BCL2: variants seen among roughly 807,000 people sequenced by gnomAD.
BCL2 encodes apoptosis regulator Bcl-2.
BCL2 carries 1 observed loss-of-function variant against 14.2 expected under a neutral mutation model. The observed-to-expected ratio is 0.07, with a 90% CI of 0.02 to 0.33. The LOEUF is 0.33. BCL2 is among the 10% of genes least tolerant of loss of function. The pLI is 0.99. For synonymous variants in BCL2, 151 were observed against 137.2 expected (o/e 1.10, Z -0.70); for missense variants, 247 against 305.9 (o/e 0.81, Z 1.44).
chr18:63,285,235 G>T (rs1912436761), intron 2 of BCL2, among the ~76,000 whole-genome samples: 1 of 152,224 alleles, frequency 6.6e-6, no homozygotes, highest in African/African-American at 2.4e-5. Context: ...CAGTTTGTGT[G>T]TACTCAGCTC....
intron 2 of BCL2, among the ~76,000 whole-genome samples, chr18:63,232,377 G>A (rs1390321209): frequency 6.6e-6 from 1 of 152,110 alleles, no homozygotes; most frequent in Non-Finnish European, 1.5e-5. Flanking sequence ...AATAGCCTTG[G>A]AGAGAGAAAA....
At chr18:63,141,772 G>A (rs1264888238) in intron 2 of BCL2, among the ~76,000 whole-genome samples, 1 of 152,218 alleles carries the variant, frequency 6.6e-6, no homozygotes, top group Admixed American at 6.5e-5. Flanking sequence ...ACCTGTCTCC[G>A]TATGTGAGTA....
At chr18:63,302,751 T>C in intron 2 of BCL2, 1 of 985,440 alleles carries the variant, frequency 1.0e-6, no homozygotes, top group Non-Finnish European at 1.2e-6. Flanking sequence ...AAGAGTTTCC[T>C]ATCTTGTCAG....
intron 2 of BCL2, among the ~76,000 whole-genome samples, chr18:63,283,785 CT>C (rs1436578808): frequency 6.6e-6 from 1 of 152,184 alleles, no homozygotes; most frequent in Non-Finnish European, 1.5e-5. Context: ...TCACCAGGGC[CT>C]CTTTGGTAAT....
intron 2 of BCL2, among the ~76,000 whole-genome samples, chr18:63,273,691 C>T (rs1358244667): frequency 2.0e-5 from 3 of 152,096 alleles, no homozygotes; most frequent in South Asian, 2.1e-4. Flanking sequence ...CAGTTCTAAC[C>T]GGTCATGGTT....
intron 2 of BCL2, among the ~76,000 whole-genome samples, chr18:63,306,008 G>C (rs1051322700): frequency 6.6e-6 from 1 of 152,088 alleles, no homozygotes; most frequent in Non-Finnish European, 1.5e-5. Flanking sequence ...CCCGGAGTTC[G>C]AGGCAGCAGT....
chr18:63,305,132 C>T (rs560493924), intron 2 of BCL2, among the ~76,000 whole-genome samples: 87 of 152,202 alleles, frequency 5.7e-4, no homozygotes, highest in Non-Finnish European at 1.1e-3. Flanking sequence ...GCTAGATCCC[C>T]CTCTGCTGCA....
At chr18:63,152,760 G>A (rs570802678) in intron 2 of BCL2, among the ~76,000 whole-genome samples, 24 of 152,322 alleles carry the variant, frequency 1.6e-4, no homozygotes, top group African/African-American at 5.5e-4. Context: ...CTTGGGCTGG[G>A]TGAAATTGTA....
At chr18:63,176,404 T>C (rs1599226116) in intron 2 of BCL2, among the ~76,000 whole-genome samples, 1 of 152,150 alleles carries the variant, frequency 6.6e-6, no homozygotes, top group Non-Finnish European at 1.5e-5. Flanking sequence ...CGGCTCCCAA[T>C]AGGGTGTTTG....
chr18:63,213,430 G>T (rs1419774872), intron 2 of BCL2, among the ~76,000 whole-genome samples: 1 of 151,842 alleles, frequency 6.6e-6, no homozygotes, highest in African/African-American at 2.4e-5. Flanking sequence ...CATACTTTAA[G>T]AACTAGTATT....
rs376847924 is a variant in BCL2, at chr18:63,212,352, C to CA, written c.586-83594dup. The stretch of plus-strand genomic sequence containing the variant: ...CAAACAAACAAACAAACAACAACAA[C>CA]AAAAAAAACACAAAAAAACTCCATT... On this transcript the variant is annotated intron_variant, in intron 2 of 2. Transcript: ENST00000333681. 3.5e-3 allele frequency among the ~76,000 whole-genome samples: 505 copies of CA among 143,870 alleles called. 14 individuals are homozygous for CA. Among genetic ancestry groups the CA allele is most frequent in the Non-Finnish European group, 5.9e-3 (397 of 67,334 alleles). 94.4% of individuals were successfully genotyped at this position (143,870 alleles called of 152,430 possible).
chr18:63,141,157 T>TCC (rs1438693004), intron 2 of BCL2, among the ~76,000 whole-genome samples: 1 of 152,212 alleles, frequency 6.6e-6, no homozygotes, highest in African/African-American at 2.4e-5. Flanking sequence ...GTAGCGAACC[T>TCC]CTAAGAAGTC....
intron 2 of BCL2, among the ~76,000 whole-genome samples, chr18:63,147,922 T>G (rs886507664): frequency 5.9e-5 from 9 of 152,182 alleles, no homozygotes; most frequent in African/African-American, 2.2e-4. Context: ...TTCTTGTATC[T>G]CCTAGAATAC....
intron 2 of BCL2, among the ~76,000 whole-genome samples, chr18:63,177,703 C>A (rs575844959): frequency 8.3e-4 from 126 of 152,258 alleles, no homozygotes; most frequent in African/African-American, 2.9e-3. Flanking sequence ...TTGGACTTTT[C>A]CCCTGAAACG....
intron 2 of BCL2, among the ~76,000 whole-genome samples, chr18:63,272,768 T>A (rs983361607): frequency 2.0e-5 from 3 of 152,244 alleles, no homozygotes; most frequent in Admixed American, 6.5e-5. Context: ...ATATATTTTA[T>A]ATAAAACAGG....
intron 2 of BCL2, among the ~76,000 whole-genome samples, chr18:63,214,368 C>A (rs1190763273): frequency 1.3e-5 from 2 of 152,210 alleles, no homozygotes; most frequent in Non-Finnish European, 2.9e-5. Flanking sequence ...GAAGGCCTAA[C>A]CCTTCCACCT....
At chr18:63,216,323 A>G (rs1232415425) in intron 2 of BCL2, among the ~76,000 whole-genome samples, 1 of 151,936 alleles carries the variant, frequency 6.6e-6, no homozygotes, top group Non-Finnish European at 1.5e-5. Context: ...AGTAACGTCA[A>G]GGTGAGTCAG....
chr18:63,246,491 A>C (rs1454826682), intron 2 of BCL2, among the ~76,000 whole-genome samples: 2 of 152,204 alleles, frequency 1.3e-5, no homozygotes, highest in Non-Finnish European at 2.9e-5. Context: ...GAACTTGTGC[A>C]GGCAAACTCC....
intron 2 of BCL2, among the ~76,000 whole-genome samples, chr18:63,226,664 A>G (rs976250902): frequency 5.9e-5 from 9 of 152,154 alleles, no homozygotes. Context: ...AACAGTAACA[A>G]AACACCCTTA....
Sources: gnomAD v4.1 joint callset for allele counts (sites outside exome capture counted in the v4.1 genomes callset) on GRCh38, gnomAD v4.1.1 for gene constraint, MANE v1.5 for transcripts, NCBI Gene and HGNC (gene_info 2026-07-23, HGNC 2026-07-21) for gene names.